The following GRM4 variants were observed in gnomAD, a reference collection of about 807,000 sequenced individuals.
GRM4 encodes the protein metabotropic glutamate receptor 4.
A neutral mutation model predicts 81.7 loss-of-function variants in GRM4; 28 were observed. That is an observed-to-expected ratio of 0.34 (90% CI 0.25 to 0.47). The LOEUF (loss-of-function observed/expected upper bound fraction) is 0.47, where lower values mean the gene tolerates loss of function less well. Ranked by LOEUF, GRM4 falls within the 20% of genes least tolerant of loss-of-function variation. The probability of loss-of-function intolerance (pLI) is 1.00; values close to 1 mark genes in which losing one functional copy is unlikely to be tolerated. For synonymous variants in GRM4, 488 were observed against 528.8 expected, an observed-to-expected ratio of 0.92 and a Z score of 1.06; for missense variants, 948 against 1,290.0, an observed-to-expected ratio of 0.73 and a Z score of 4.06.
At chr6:34,143,656 T>C (rs564226830) in intron 1 of GRM4, among the ~76,000 whole-genome samples, 9 of 152,314 alleles carry the variant, frequency 5.9e-5, no homozygotes, top group South Asian at 4.1e-4. Flanking sequence ...CAGCATCCCA[T>C]TGGGATCCGG....
rs1331656374 is a variant in GRM4 at position 34,035,226 on chromosome 6, G to A, written c.2442+442C>T. ...CAGCGCTCCAGGCTTATGGAGGGGG[G>A]AAGGGGTGAGAGAATAGGAGGAGGA... On this transcript the variant is annotated intron_variant, in intron 9 of 10. Transcript: ENST00000538487. This position sits in a 1 kb window ranked among gnomAD's most constrained non-coding sequence, Gnocchi z 6.6. Among the ~76,000 whole-genome samples, 2 of 151,294 alleles carry A rather than the reference G, an allele frequency of 1.3e-5. No homozygotes were observed. The highest frequency in any genetic ancestry group is 2.9e-5 in the Non-Finnish European group (2 of 67,876).
chr6:34,086,472 C>T (rs1767895243), intron 3 of GRM4, among the ~76,000 whole-genome samples: 3 of 152,292 alleles, frequency 2.0e-5, no homozygotes, highest in South Asian at 4.1e-4. Context: ...GTTCAAGGAA[C>T]GAGACATCCT....
intron 6 of GRM4, among the ~76,000 whole-genome samples, chr6:34,044,171 T>TAAAC (rs1409552552): frequency 7.1e-6 from 1 of 141,174 alleles, no homozygotes; most frequent in African/African-American, 2.6e-5. Flanking sequence ...TACACACACA[T>TAAAC]ATACATACAT....
chr6:34,107,515 G>A (rs916856801), intron 2 of GRM4, among the ~76,000 whole-genome samples: 1 of 152,230 alleles, frequency 6.6e-6, no homozygotes, highest in African/African-American at 2.4e-5. Context: ...GAGAGGCGAT[G>A]GGGATGAGAG....
At position 34,115,569 on chromosome 6, in the gene GRM4, C is replaced by A. The variant is rs1769562740; in HGVS notation, c.519+17409G>T. Reference sequence around the variant, plus strand: ...CAGCCTCCAGGGGTCTGCCCGAAGACACTCGGCAAACCTTTCAGGCCTCTA... The same window carrying A: ...CAGCCTCCAGGGGTCTGCCCGAAGAAACTCGGCAAACCTTTCAGGCCTCTA... On this transcript the variant is annotated intron_variant, in intron 2 of 10. Transcript: ENST00000538487. The surrounding 1 kb of genome is among the most constrained non-coding windows in gnomAD (Gnocchi z 4.1). 6.6e-6 allele frequency among the ~76,000 whole-genome samples: 1 copy of A among 152,194 alleles called. No homozygotes were observed. Among genetic ancestry groups the A allele is most frequent in the Admixed American group, 6.5e-5 (1 of 15,280 alleles).
At position 34,035,590 on chromosome 6, in the gene GRM4, G is replaced by A. The variant is rs1056896888; in HGVS notation, c.2442+78C>T. On this transcript the variant is annotated intron_variant, in intron 9 of 10. Transcript: ENST00000538487. The surrounding 1 kb of genome is among the most constrained non-coding windows in gnomAD (Gnocchi z 6.6). ...AAGGCATTTCTGGAGCAGGGGGGAG[G>A]CCAGCCAGCCTCAGGAGGCTGCCCC... 15 of 833,074 alleles carry A rather than the reference G, an allele frequency of 1.8e-5. No homozygotes were observed. In the African/African-American group the frequency reaches 2.4e-4, roughly 13 times the overall value. 51.6% of individuals were successfully genotyped at this position (833,074 alleles called of 1,614,324 possible). A position where few individuals can be genotyped will look rare whatever the true frequency, so the allele number is the denominator to read the frequency against.
At chr6:34,132,627 G>C (rs1726133435) in intron 2 of GRM4, among the ~76,000 whole-genome samples, 1 of 152,040 alleles carries the variant, frequency 6.6e-6, no homozygotes, top group East Asian at 1.9e-4. Flanking sequence ...TCCTCCCTCT[G>C]TCGTTCTCCA....
intron 3 of GRM4, among the ~76,000 whole-genome samples, chr6:34,067,942 G>C (rs1000573261): frequency 3.9e-5 from 6 of 152,184 alleles, no homozygotes; most frequent in Non-Finnish European, 5.9e-5. Flanking sequence ...CACATCACCT[G>C]CCTGCCTGCT....
At chr6:34,113,325 A>C (rs1469531623) in intron 2 of GRM4, among the ~76,000 whole-genome samples, 1 of 151,494 alleles carries the variant, frequency 6.6e-6, no homozygotes, top group Non-Finnish European at 1.5e-5. Flanking sequence ...CTAATTTTTA[A>C]ATTTTTTGCA....
At chr6:34,073,418 CCACACACA>C (rs540796389) in intron 3 of GRM4, among the ~76,000 whole-genome samples, 96 of 146,504 alleles carry the variant, frequency 6.6e-4, no homozygotes, top group Non-Finnish European at 1.2e-3. Context: ...CACATACACA[CCACACACA>C]CACACACACC....
chr6:34,091,982 C>A lies in GRM4; in HGVS notation c.637G>T (p.Val213Phe), dbSNP rs139236496. The change falls in exon 3 of 11, where the codon GTC (valine) becomes TTC (phenylalanine). Residue 213 changes from valine (V) to phenylalanine (F), a missense_variant. Coordinates refer to ENST00000538487, the MANE Select transcript of GRM4 (RefSeq NM_000841.4). ...ACATAGTTCCACTTGAGGGCACGGA[C>A]GATGTCCACCATGGCCTGGGCCTGG... ...TYQAQAMVDIVRALKWNYVST... is the reference protein window; with the variant it reads ...TYQAQAMVDIFRALKWNYVST... The A allele has an allele frequency of 6.2e-7, 1 of 1,614,014 alleles. No individual in the cohort carries two copies. Among genetic ancestry groups the A allele is most frequent in the African/African-American group, 1.3e-5 (1 of 74,948 alleles).
chr6:34,139,787 G>A (rs898716698), intron 1 of GRM4, among the ~76,000 whole-genome samples: 2 of 152,212 alleles, frequency 1.3e-5, no homozygotes, highest in African/African-American at 4.8e-5. Context: ...CTCGGACCTC[G>A]CACTGAATTC....
intron 2 of GRM4, chr6:34,103,689 G>A (rs774814346): frequency 2.4e-4 from 371 of 1,534,194 alleles, no homozygotes; most frequent in Non-Finnish European, 3.0e-4. Flanking sequence ...GAGCCCCAAG[G>A]GGCACAGCCA....
rs528539752 is a variant in GRM4 at position 34,133,750 on chromosome 6, G to C, written c.-254C>G. 7.1e-5 allele frequency: 89 copies of C among 1,254,950 alleles called. No individual in the cohort carries two copies. The highest frequency in any genetic ancestry group is 8.8e-5 in the Non-Finnish European group (88 of 1,002,042). The allele number at this position is 1,254,950 out of a possible 1,614,324, so 77.7% of individuals were successfully genotyped here. A position where few individuals can be genotyped will look rare whatever the true frequency, so the allele number is the denominator to read the frequency against. The stretch of plus-strand genomic sequence containing the variant: ...GCAGGAAGGCTCTGATCCTTGTCCC[G>C]TCCTGCAGGCCTGTTCTCGGTGGAT... On this transcript the variant is annotated 5_prime_UTR_variant, in exon 2 of 11. Coordinates refer to ENST00000538487, the MANE Select transcript of GRM4 (RefSeq NM_000841.4). This position sits in a 1 kb window ranked among gnomAD's most constrained non-coding sequence, Gnocchi z 6.5.
chr6:34,031,674 A>G (rs1764431618), intron 9 of GRM4, among the ~76,000 whole-genome samples: 1 of 148,844 alleles, frequency 6.7e-6, no homozygotes, highest in African/African-American at 2.4e-5. Context: ...CGTAGTGGAG[A>G]AAGCCCGCTC....
chr6:34,027,251 T>C (rs140435971), intron 10 of GRM4, among the ~76,000 whole-genome samples: 59 of 152,222 alleles, frequency 3.9e-4, no homozygotes, highest in Non-Finnish European at 6.5e-4. Context: ...CAGAAGCCAG[T>C]ATACTCTCCA....
chr6:34,123,035 C>T (rs1241383932), intron 2 of GRM4, among the ~76,000 whole-genome samples: 1 of 152,162 alleles, frequency 6.6e-6, no homozygotes. Flanking sequence ...AGGGTCACCT[C>T]AGAGCCTCAA....
intron 2 of GRM4, among the ~76,000 whole-genome samples, chr6:34,108,880 C>T (rs889398388): frequency 6.6e-6 from 1 of 152,158 alleles, no homozygotes; most frequent in Non-Finnish European, 1.5e-5. Context: ...TGTACCGGTG[C>T]ACCTCGAGGT....
chr6:34,147,241 T>G (rs948162049), upstream of GRM4, among the ~76,000 whole-genome samples: 9 of 152,240 alleles, frequency 5.9e-5, no homozygotes, highest in African/African-American at 2.2e-4. Flanking sequence ...ACTGAGGTCC[T>G]GCTCCATTCC....
Sources: allele counts gnomAD v4.1 joint callset (sites outside exome capture counted in the v4.1 genomes callset), GRCh38; gene constraint gnomAD v4.1.1; non-coding constraint Gnocchi (gnomAD v3.1); transcripts MANE v1.5; gene names NCBI Gene and HGNC (gene_info 2026-07-23, HGNC 2026-07-21).